AEBP2: variants seen among roughly 807,000 people sequenced by gnomAD.
AEBP2 encodes the protein AE binding protein 2, also known as zinc finger protein AEBP2.
AEBP2 carries 10 observed loss-of-function variants against 50.8 expected under a neutral mutation model. The observed-to-expected ratio is 0.20, with a 90% CI of 0.12 to 0.33. AEBP2 has a LOEUF of 0.33. Among genes scored for constraint, AEBP2 ranks in the 10% least tolerant of loss-of-function variants. The pLI, the probability that AEBP2 is intolerant of heterozygous loss-of-function variation, is 1.00. For synonymous variants in AEBP2, 296 were observed against 261.3 expected (o/e 1.13, Z -1.28); for missense variants, 570 against 688.0 (o/e 0.83, Z 1.92).
At chr12:19,500,929 G>A (rs184177597) in intron 5 of AEBP2, among the ~76,000 whole-genome samples, 1 of 152,160 alleles carries the variant, frequency 6.6e-6, no homozygotes, top group Non-Finnish European at 1.5e-5. Flanking sequence ...TTGTTTTTCA[G>A]TCATTTTTAA....
chr12:19,485,955 T>G (rs899439293), intron 3 of AEBP2, among the ~76,000 whole-genome samples: 60 of 149,292 alleles, frequency 4.0e-4, no homozygotes, highest in African/African-American at 1.4e-3. Context: ...CTGCTTTTTT[T>G]TTTTTTTTTT....
intron 3 of AEBP2, among the ~76,000 whole-genome samples, chr12:19,480,104 C>G (rs997869169): frequency 3.3e-5 from 5 of 151,448 alleles, no homozygotes; most frequent in Non-Finnish European, 5.9e-5. Context: ...TAAGGAGATT[C>G]TTTTTGTCTT....
chr12:19,515,619 T>A (rs1949306410), intron 7 of AEBP2, among the ~76,000 whole-genome samples: 1 of 152,200 alleles, frequency 6.6e-6, no homozygotes, highest in African/African-American at 2.4e-5. Flanking sequence ...TTGTAAATTT[T>A]AGCTATCATA....
chr12:19,456,079 C>T (rs528094261), intron 1 of AEBP2, among the ~76,000 whole-genome samples: 54 of 152,124 alleles, frequency 3.5e-4, no homozygotes, highest in African/African-American at 1.2e-3. Context: ...AAAAAGAAAA[C>T]CAAAGTGGTC....
At position 19,521,767 on chromosome 12, in the gene AEBP2, A is replaced by G. The variant is rs1949402321; in HGVS notation, c.*3650A>G. On this transcript the variant is annotated 3_prime_UTR_variant, in exon 8 of 8. Coordinates refer to ENST00000266508, the MANE Select transcript of AEBP2 (RefSeq NM_153207.5). Reference sequence around the variant, plus strand: ...TACTCTTAAAACGGTAGAATTTGCCACAGTTGTTTAAAGCATTTTTATTTT... The same window carrying G: ...TACTCTTAAAACGGTAGAATTTGCCGCAGTTGTTTAAAGCATTTTTATTTT... The G allele has an allele frequency of 6.6e-6, 1 of 152,172 alleles. No homozygotes were observed. Among genetic ancestry groups the G allele is most frequent in the Admixed American group, 6.5e-5 (1 of 15,280 alleles). The allele number at this position is 152,172 out of a possible 1,614,324, so 9.4% of individuals were successfully genotyped here.
At chr12:19,422,686 T>A (rs1328341803) in intron 1 of AEBP2, among the ~76,000 whole-genome samples, 1 of 151,866 alleles carries the variant, frequency 6.6e-6, no homozygotes, top group South Asian at 2.1e-4. Flanking sequence ...TCCGTTTTCA[T>A]TGGTGAAATG....
chr12:19,444,163 T>A (rs4963527), intron 1 of AEBP2, among the ~76,000 whole-genome samples: 79,580 of 151,882 alleles, frequency 0.52, 22,156 homozygotes, highest in Non-Finnish European at 0.64. Flanking sequence ...AAAAAAAATT[T>A]AAAAAATTTT....
chr12:19,405,349 C>T (rs1327632397), intron 1 of AEBP2, among the ~76,000 whole-genome samples: 1 of 150,318 alleles, frequency 6.7e-6, no homozygotes, highest in Non-Finnish European at 1.5e-5. Flanking sequence ...TTTTTTGAGA[C>T]GGAGTCTCGC....
chr12:19,422,622 G>A (rs2095746395), intron 1 of AEBP2, among the ~76,000 whole-genome samples: 1 of 151,804 alleles, frequency 6.6e-6, no homozygotes, highest in Admixed American at 6.6e-5. Context: ...TCAGCCTCCT[G>A]AGTAGCTGGG....
chr12:19,440,063 G>T lies in AEBP2; in HGVS notation c.364G>T (p.Ala122Ser), dbSNP rs1468971286. 2 of 1,516,492 alleles carry T rather than the reference G, an allele frequency of 1.3e-6. No homozygotes were observed. Among genetic ancestry groups the T allele is most frequent in the Non-Finnish European group, 1.8e-6 (2 of 1,138,096 alleles). 93.9% of individuals were successfully genotyped at this position (1,516,492 alleles called of 1,614,324 possible). A position where few individuals can be genotyped will look rare whatever the true frequency, so the allele number is the denominator to read the frequency against. The stretch of plus-strand genomic sequence containing the variant: ...CGGCGGGGGTGAGGAGGAGAGTAGC[G>T]CCGAGAGCCTGGTGGGCAGCAGCGG... The part of the protein sequence containing the change: ...SSGGGEEESS[A>S]ESLVGSSGGS... The change falls in exon 1 of 8, where the codon GCC (alanine) becomes TCC (serine). Residue 122 changes from alanine (A) to serine (S), a missense_variant. Physicochemically the swap from Ala to Ser is moderately conservative, Grantham distance 99. Transcript: ENST00000266508.
chr12:19,435,976 A>T (rs1486017500), upstream of AEBP2, among the ~76,000 whole-genome samples: 1 of 152,158 alleles, frequency 6.6e-6, no homozygotes, highest in African/African-American at 2.4e-5. Flanking sequence ...CGGGATGGGT[A>T]AAATAAGGCT....
intron 1 of AEBP2, among the ~76,000 whole-genome samples, chr12:19,447,191 G>T (rs1292964144): frequency 2.0e-5 from 3 of 152,196 alleles, no homozygotes; most frequent in African/African-American, 7.2e-5. Context: ...ACACAAGTGT[G>T]TACGTCTCTC....
chr12:19,411,673 T>C (rs912532715), intron 1 of AEBP2, among the ~76,000 whole-genome samples: 1 of 152,228 alleles, frequency 6.6e-6, no homozygotes, highest in Non-Finnish European at 1.5e-5. Context: ...TTCTCTCAGG[T>C]TCTGGCACAT....
rs1024216340 is a variant in AEBP2 at position 19,493,963 on chromosome 12, A to G, written c.1151A>G (p.Lys384Arg). Residue 384 changes from lysine to arginine, a missense_variant, in exon 4 of 8, where the codon AAG becomes AGG. By Grantham distance (26) the Lys-to-Arg change is conservative. This residue lies in a region of AEBP2 where 184 missense variants were observed against 351.2 expected (regional missense o/e 0.52). Transcript: ENST00000266508. ...KAGMNKRRKL[K>R]NKRRRSLPRP... ...GGAATGAACAAAAGGAGGAAATTAA[A>G]GAACAAAAGACGACGCTCATTACGT... 3 of 1,610,570 alleles carry G rather than the reference A, an allele frequency of 1.9e-6. No individual in the cohort carries two copies. The highest frequency in any genetic ancestry group is 2.5e-6 in the Non-Finnish European group (3 of 1,178,346).
chr12:19,404,547 C>T (rs1437821437), intron 1 of AEBP2, among the ~76,000 whole-genome samples: 2 of 152,120 alleles, frequency 1.3e-5, no homozygotes, highest in Non-Finnish European at 2.9e-5. Context: ...CAGTGTGAAT[C>T]TCTACACACT....
chr12:19,443,179 C>A (rs1434178108), intron 1 of AEBP2, among the ~76,000 whole-genome samples: 2 of 151,482 alleles, frequency 1.3e-5, no homozygotes, highest in African/African-American at 2.4e-5. Flanking sequence ...TCACTGCAAC[C>A]TCTGCCTTGT....
At chr12:19,479,299 C>T (rs953489451) in intron 3 of AEBP2, among the ~76,000 whole-genome samples, 1 of 152,076 alleles carries the variant, frequency 6.6e-6, no homozygotes, top group Admixed American at 6.6e-5. Context: ...TCTTTGTTGA[C>T]TTTCGGTCTT....
At chr12:19,489,510 A>C (rs897581485) in intron 3 of AEBP2, among the ~76,000 whole-genome samples, 2 of 152,244 alleles carry the variant, frequency 1.3e-5, no homozygotes, top group Non-Finnish European at 2.9e-5. Context: ...GCCAAACCAT[A>C]TCAGTGTTCA....
At chr12:19,428,813 C>CAA (rs549687367) in intron 1 of AEBP2, among the ~76,000 whole-genome samples, 5 of 134,646 alleles carry the variant, frequency 3.7e-5, no homozygotes, top group South Asian at 2.4e-4. Context: ...AACTCCATCT[C>CAA]AAAAAAAAAA....
Sources: gnomAD v4.1 joint callset for allele counts (sites outside exome capture counted in the v4.1 genomes callset) on GRCh38, gnomAD v4.1.1 for gene constraint, gnomAD v4.1.1 regional missense constraint, MANE v1.5 for transcripts, NCBI Gene and HGNC (gene_info 2026-07-23, HGNC 2026-07-21) for gene names.